CHD2: variants seen among roughly 807,000 people sequenced by gnomAD.
The protein encoded by CHD2 is ATP-dependent chromatin remodeler CHD2.
CHD2 carries 28 observed loss-of-function variants against 243.9 expected under a neutral mutation model. The ratio of observed to expected loss-of-function variants is 0.11; its 90% CI spans 0.09 to 0.16. CHD2 has a LOEUF of 0.16. Ranked by LOEUF, CHD2 falls within the 10% of genes least tolerant of loss-of-function variation. The pLI is 1.00. For missense variants in CHD2, 1,386 were observed against 2,209.8 expected (o/e 0.63, Z 7.47); for synonymous variants, 775 against 779.0 (o/e 0.99, Z 0.09).
At chr15:92,984,591 T>G in intron 25 of CHD2, 91 bp downstream of exon 25, 2 of 1,224,784 alleles carry the variant, frequency 1.6e-6, no homozygotes, top group Non-Finnish European at 2.2e-6. Context: ...CCTTGCATTG[T>G]TCCCCTGACA....
intron 37 of CHD2, among the ~76,000 whole-genome samples, chr15:93,016,553 A>G (rs763828625): frequency 1.1e-4 from 16 of 152,206 alleles, no homozygotes; most frequent in Non-Finnish European, 2.1e-4. Context: ...ATTGTAATCA[A>G]TAAATACATA....
intron 21 of CHD2, 73 bp from the exon 22 acceptor site, chr15:92,979,062 T>A: frequency 1.3e-6 from 2 of 1,567,516 alleles, no homozygotes; most frequent in Non-Finnish European, 1.7e-6. Context: ...TTGACAGAGC[T>A]AATCCTTCTC....
In CHD2 at chr15:92,943,040, A is replaced by C; in HGVS notation, c.1024A>C (p.Lys342Gln). 1.9e-6 allele frequency: 3 copies of C among 1,613,866 alleles called. No individual in the cohort carries two copies. The highest frequency in any genetic ancestry group is 2.5e-6 in the Non-Finnish European group (3 of 1,179,788). ...GGGCCTAAAAAAACTAGAGAACTTC[A>C]AGAAAAAAGAGGACGAAATCAAACA... ...VKGLKKLENFKKKEDEIKQWL... is the reference protein window; with the variant it reads ...VKGLKKLENFQKKEDEIKQWL... The change falls in exon 9 of 39, where the codon AAG becomes CAG. Residue 342 changes from lysine to glutamine, a missense_variant. This residue lies in a region of CHD2 where 200 missense variants were observed against 292.5 expected (regional missense o/e 0.68). Transcript: ENST00000394196.
chr15:92,949,824 G>A (rs1011476838), intron 13 of CHD2, among the ~76,000 whole-genome samples: 3 of 152,122 alleles, frequency 2.0e-5, no homozygotes, highest in Admixed American at 2.0e-4. Context: ...CTGCAGAAAG[G>A]GTGCTTCTTG....
chr15:92,926,074 T>G (rs926835361), intron 3 of CHD2, among the ~76,000 whole-genome samples: 9 of 152,170 alleles, frequency 5.9e-5, no homozygotes, highest in African/African-American at 1.7e-4. Context: ...TGGGTTCAAG[T>G]GATCCTCCCA....
intron 28 of CHD2, among the ~76,000 whole-genome samples, chr15:92,993,863 G>C (rs1380324390): frequency 6.6e-6 from 1 of 152,204 alleles, no homozygotes; most frequent in Non-Finnish European, 1.5e-5. Flanking sequence ...TGGGAGGTTC[G>C]ATTGAGACCA....
chr15:92,935,619 A>C (rs912241827), intron 5 of CHD2, among the ~76,000 whole-genome samples: 1 of 152,200 alleles, frequency 6.6e-6, no homozygotes, highest in Non-Finnish European at 1.5e-5. Flanking sequence ...TGACTGTGTA[A>C]GCCCCCTCTG....
chr15:92,929,401 ATAAC>A (rs1198901932), intron 5 of CHD2, among the ~76,000 whole-genome samples: 1 of 152,208 alleles, frequency 6.6e-6, no homozygotes, highest in African/African-American at 2.4e-5. Context: ...ATATGTATAA[ATAAC>A]AAGTACACAG....
chr15:92,941,667 A>G (rs1295183792), intron 7 of CHD2, among the ~76,000 whole-genome samples, 155 bp from the exon 8 acceptor site: 4 of 152,224 alleles, frequency 2.6e-5, no homozygotes, highest in Non-Finnish European at 5.9e-5. Flanking sequence ...TAGGAAAAAA[A>G]AGTAAGCTTT....
chr15:93,019,874 A>C, intron 37 of CHD2, 138 bp from the exon 38 acceptor site: 1 of 1,001,592 alleles, frequency 1.0e-6, no homozygotes, highest in Non-Finnish European at 1.4e-6. Context: ...TGGAGATTGC[A>C]GTGATCTAAG....
intron 32 of CHD2, 141 bp from the exon 33 acceptor site, chr15:93,002,036 C>A: frequency 1.8e-6 from 2 of 1,089,220 alleles, no homozygotes; most frequent in Non-Finnish European, 2.5e-6. Context: ...TTCTCTGAGT[C>A]CCTTGAGGCT....
intron 33 of CHD2, among the ~76,000 whole-genome samples, chr15:93,003,286 CAAAAA>C (rs397853913): frequency 3.1e-5 from 4 of 131,022 alleles, no homozygotes; most frequent in African/African-American, 9.2e-5. Context: ...GACCTTGTCT[CAAAAA>C]AAAAAAAAAA....
At chr15:92,960,392 A>G (rs377440100) in intron 16 of CHD2, among the ~76,000 whole-genome samples, 2 of 152,138 alleles carry the variant, frequency 1.3e-5, no homozygotes, top group Non-Finnish European at 1.5e-5. Flanking sequence ...TGGGAGCAGG[A>G]TGTTGGCTAT....
At position 92,937,628 on chromosome 15, in the gene CHD2, G is replaced by T; in HGVS notation, c.551+3G>T. On this transcript the variant is annotated splice_donor_region_variant and intron_variant, in intron 6 of 38. Coordinates refer to ENST00000394196, the MANE Select transcript of CHD2 (RefSeq NM_001271.4). ...GCCAGAAGACCTGTCCCCAGAAGGT[G>T]CACTGTTTGCTTAAGATCTCTACTT... 3 of 1,606,842 alleles carry T rather than the reference G, an allele frequency of 1.9e-6. No homozygotes were observed. In the South Asian group the frequency reaches 3.3e-5, roughly 18 times the overall value.
chr15:92,991,081 C>G (rs1051713719), intron 26 of CHD2, among the ~76,000 whole-genome samples: 1 of 152,154 alleles, frequency 6.6e-6, no homozygotes, highest in Admixed American at 6.6e-5. Context: ...CAGTGGTGAA[C>G]TGAATACGCT....
At chr15:93,019,937 A>G in intron 37 of CHD2, 75 bp from the exon 38 acceptor site, 1 of 1,538,518 alleles carries the variant, frequency 6.5e-7, no homozygotes, top group Non-Finnish European at 8.7e-7. Flanking sequence ...CCATCTCCAA[A>G]AAAAAAAAAA....
intron 13 of CHD2, chr15:92,949,295 T>C (rs1311017366): frequency 1.7e-6 from 2 of 1,208,394 alleles, no homozygotes; most frequent in African/African-American, 1.6e-5. Flanking sequence ...AAGAATACTT[T>C]ATTTCATTAT....
chr15:92,904,134 A>C (rs1319703842), intron 2 of CHD2, among the ~76,000 whole-genome samples: 1 of 152,208 alleles, frequency 6.6e-6, no homozygotes, highest in African/African-American at 2.4e-5. Context: ...AGGCAGTTCG[A>C]TAGGGCACGC....
intron 12 of CHD2, 83 bp from the exon 13 acceptor site, chr15:92,948,869 A>G: frequency 1.4e-6 from 2 of 1,457,918 alleles, no homozygotes; most frequent in Non-Finnish European, 1.9e-6. Context: ...TTATGCTTTG[A>G]TGCCGAATAT....
Sources: allele counts gnomAD v4.1 joint callset (sites outside exome capture counted in the v4.1 genomes callset), GRCh38; gene constraint gnomAD v4.1.1; regional missense constraint gnomAD v4.1.1; transcripts MANE v1.5; gene names NCBI Gene and HGNC (gene_info 2026-07-23, HGNC 2026-07-21).